Variants in EPHA3 observed in about 807,000 individuals in gnomAD.
The protein encoded by EPHA3 is ephrin type-A receptor 3.
A neutral mutation model predicts 107.1 loss-of-function variants in EPHA3; 42 were observed. That is an observed-to-expected ratio of 0.39 (90% CI 0.31 to 0.51). The LOEUF (loss-of-function observed/expected upper bound fraction) is 0.51. Among genes scored for constraint, EPHA3 ranks in the 20% least tolerant of loss-of-function variants. The pLI is 0.78. For synonymous variants in EPHA3, 461 were observed against 424.8 expected (o/e 1.09, Z -1.05); for missense variants, 1,183 against 1,211.2 (o/e 0.98, Z 0.35).
chr3:89,130,944 C>T (rs1704196410), intron 2 of EPHA3, among the ~76,000 whole-genome samples: 1 of 152,172 alleles, frequency 6.6e-6, no homozygotes, highest in African/African-American at 2.4e-5. Context: ...TCCCTATCTC[C>T]ATTTTTAAAT....
chr3:89,454,832 A>AT (rs140358360), intron 15 of EPHA3, among the ~76,000 whole-genome samples: 7 of 151,518 alleles, frequency 4.6e-5, no homozygotes, highest in East Asian at 2.0e-4. Context: ...ATCCCTACAA[A>AT]TTTTTTTTTA....
chr3:89,222,459 A>G (rs1576243217), intron 3 of EPHA3, among the ~76,000 whole-genome samples: 1 of 148,436 alleles, frequency 6.7e-6, no homozygotes, highest in African/African-American at 2.4e-5. Context: ...TTGTGTGTGT[A>G]TATGTATATA....
chr3:89,441,512 A>T (rs1709786733), intron 13 of EPHA3, among the ~76,000 whole-genome samples: 3 of 152,198 alleles, frequency 2.0e-5, no homozygotes. Context: ...ACACATCTTC[A>T]TAAATAATTG....
intron 2 of EPHA3, among the ~76,000 whole-genome samples, chr3:89,208,613 G>A (rs201776954): frequency 3.7e-5 from 1 of 27,240 alleles, no homozygotes; most frequent in African/African-American, 6.0e-5. Flanking sequence ...AAGGAAAGAA[G>A]GAAGGAAGGA....
At chr3:89,474,094 C>T (rs1473139697) in intron 16 of EPHA3, among the ~76,000 whole-genome samples, 1 of 152,010 alleles carries the variant, frequency 6.6e-6, no homozygotes, top group East Asian at 1.9e-4. Flanking sequence ...TGAAAAATAA[C>T]AGATTAGATG....
At chr3:89,259,232 C>T (rs760573535) in intron 3 of EPHA3, among the ~76,000 whole-genome samples, 57 of 152,152 alleles carry the variant, frequency 3.7e-4, no homozygotes, top group Non-Finnish European at 6.9e-4. Context: ...TTCTTCTTCA[C>T]CTGTGGCCAC....
intron 3 of EPHA3, among the ~76,000 whole-genome samples, chr3:89,321,051 G>T (rs1707032246): frequency 1.3e-5 from 2 of 151,894 alleles, no homozygotes; most frequent in Admixed American, 1.3e-4. Context: ...CCACTGGCTT[G>T]TTGTATGACA....
At chr3:89,252,301 C>A (rs901939926) in intron 3 of EPHA3, among the ~76,000 whole-genome samples, 1 of 152,086 alleles carries the variant, frequency 6.6e-6, no homozygotes, top group African/African-American at 2.4e-5. Flanking sequence ...TTATGCTGGA[C>A]TAAATTCCAG....
At chr3:89,318,564 G>A (rs1314154403) in intron 3 of EPHA3, among the ~76,000 whole-genome samples, 4 of 151,840 alleles carry the variant, frequency 2.6e-5, no homozygotes, top group Non-Finnish European at 5.9e-5. Flanking sequence ...AAGTATCAAA[G>A]TTTGCAGTAA....
intron 15 of EPHA3, among the ~76,000 whole-genome samples, chr3:89,458,831 A>G (rs971425665): frequency 6.6e-6 from 1 of 152,224 alleles, no homozygotes; most frequent in African/African-American, 2.4e-5. Flanking sequence ...CATATACACC[A>G]TGGAATACTA....
At chr3:89,147,924 T>C (rs1704602451) in intron 2 of EPHA3, among the ~76,000 whole-genome samples, 1 of 151,920 alleles carries the variant, frequency 6.6e-6, no homozygotes, top group Non-Finnish European at 1.5e-5. Context: ...AATGGAAAAG[T>C]CTGTATGTTT....
chr3:89,185,661 C>T (rs1705547529), intron 2 of EPHA3, among the ~76,000 whole-genome samples: 1 of 151,952 alleles, frequency 6.6e-6, no homozygotes, highest in East Asian at 1.9e-4. Context: ...TCAGTTCTAC[C>T]CTCTCACTTT....
Position 89,136,460 on chromosome 3 carries a change from TA to T in EPHA3, c.153+9192del, listed in dbSNP as rs997342805. Among the ~76,000 whole-genome samples, 29 of 150,682 alleles carry T rather than the reference TA, an allele frequency of 1.9e-4. 1 individual carries two copies. The highest frequency in any genetic ancestry group is 4.0e-4 in the Admixed American group (6 of 15,024). Reference sequence around the variant, plus strand: ...ATTTATTCTAGCGACTTTTAATTTATAAAAAGTAAAATGTTTTCTTGGTGCT... The same window carrying T: ...ATTTATTCTAGCGACTTTTAATTTATAAAAGTAAAATGTTTTCTTGGTGCT... On this transcript the variant is annotated intron_variant, in intron 2 of 16. Coordinates refer to ENST00000336596, the MANE Select transcript of EPHA3 (RefSeq NM_005233.6).
At chr3:89,127,617 A>T (rs1704121056) in intron 2 of EPHA3, among the ~76,000 whole-genome samples, 1 of 152,046 alleles carries the variant, frequency 6.6e-6, no homozygotes, top group Admixed American at 6.6e-5. Flanking sequence ...TAATGTAGAA[A>T]GTGTGTATTT....
intron 5 of EPHA3, among the ~76,000 whole-genome samples, chr3:89,373,004 T>C (rs532645462): frequency 3.7e-4 from 56 of 151,992 alleles, no homozygotes; most frequent in African/African-American, 1.3e-3. Flanking sequence ...AAATATTTTA[T>C]CAGTTTTCTT....
At chr3:89,126,556 CT>C (rs1704099972) in intron 1 of EPHA3, among the ~76,000 whole-genome samples, 1 of 151,444 alleles carries the variant, frequency 6.6e-6, no homozygotes, top group Non-Finnish European at 1.5e-5. Flanking sequence ...CCACTAAAGC[CT>C]TTGAGTAAAA....
intron 13 of EPHA3, among the ~76,000 whole-genome samples, chr3:89,440,718 C>T (rs1709766183): frequency 6.6e-6 from 1 of 152,202 alleles, no homozygotes; most frequent in Non-Finnish European, 1.5e-5. Context: ...AGGTTTTAGA[C>T]TCTCAACTAA....
At chr3:89,159,083 A>G (rs1704866216) in intron 2 of EPHA3, among the ~76,000 whole-genome samples, 1 of 152,128 alleles carries the variant, frequency 6.6e-6, no homozygotes, top group Non-Finnish European at 1.5e-5. Flanking sequence ...TTCATTTTGT[A>G]CTAATATGTC....
At chr3:89,318,729 G>A (rs538139805) in intron 3 of EPHA3, among the ~76,000 whole-genome samples, 5 of 151,898 alleles carry the variant, frequency 3.3e-5, no homozygotes, top group South Asian at 2.1e-4. Context: ...TATTGACCAC[G>A]TATAAAAATA....
Sources: gnomAD v4.1 joint callset for allele counts (sites outside exome capture counted in the v4.1 genomes callset) on GRCh38, gnomAD v4.1.1 for gene constraint, MANE v1.5 for transcripts, NCBI Gene and HGNC (gene_info 2026-07-23, HGNC 2026-07-21) for gene names.